The following VIRMA variants were observed in gnomAD, a reference collection of about 807,000 sequenced individuals.
VIRMA encodes vir like m6A methyltransferase associated, also known as protein virilizer homolog.
VIRMA carries 65 observed loss-of-function variants against 182.4 expected under a neutral mutation model. The observed-to-expected ratio is 0.36, with a 90% confidence interval of 0.29 to 0.44. The LOEUF (loss-of-function observed/expected upper bound fraction) is 0.44. VIRMA is among the 20% of genes least tolerant of loss of function. The pLI is 1.00. For synonymous variants in VIRMA, 709 were observed against 743.1 expected (o/e 0.95, Z 0.75); for missense variants, 1,752 against 2,158.1 (o/e 0.81, Z 3.73).
chr8:94,500,197 A>C (rs1813922643), intron 16 of VIRMA, among the ~76,000 whole-genome samples: 1 of 152,094 alleles, frequency 6.6e-6, no homozygotes, highest in Non-Finnish European at 1.5e-5. Flanking sequence ...CAGGAGATCA[A>C]GACCATCCTG....
intron 1 of VIRMA, 125 bp from the exon 2 acceptor site, chr8:94,544,067 T>C (rs1815676051): frequency 1.7e-6 from 1 of 583,234 alleles, no homozygotes; most frequent in Non-Finnish European, 3.1e-6. Flanking sequence ...TTAAATATCA[T>C]TAAATATATT....
chr8:94,523,998 C>CTTGT (rs917114468), intron 8 of VIRMA, among the ~76,000 whole-genome samples: 2 of 121,364 alleles, frequency 1.6e-5, no homozygotes, highest in African/African-American at 6.8e-5. Flanking sequence ...GTTTTTGTTA[C>CTTGT]TTGTTTATTT....
intron 16 of VIRMA, among the ~76,000 whole-genome samples, chr8:94,503,954 C>G: frequency 6.6e-6 from 1 of 152,008 alleles, no homozygotes; most frequent in Admixed American, 6.6e-5. Context: ...AGGAGGATCA[C>G]CTGAGGTCAG....
chr8:94,505,230 G>A (rs1409114809), intron 16 of VIRMA, among the ~76,000 whole-genome samples: 1 of 152,190 alleles, frequency 6.6e-6, no homozygotes, highest in African/African-American at 2.4e-5. Context: ...GGAAGAGCCA[G>A]CACCAAACAC....
At chr8:94,510,760 C>G in intron 13 of VIRMA, 108 bp from the exon 14 acceptor site, 1 of 835,024 alleles carries the variant, frequency 1.2e-6, no homozygotes, top group Non-Finnish European at 1.9e-6. Context: ...TTACTGCATG[C>G]TTAAAACATT....
chr8:94,498,631 G>C (rs1349623963), intron 17 of VIRMA: 4 of 152,208 alleles, frequency 2.6e-5, no homozygotes, highest in Non-Finnish European at 5.9e-5. Context: ...GGCACACCAC[G>C]TGTGGCTAAT....
At chr8:94,509,986 A>G in intron 14 of VIRMA, 46 bp from the exon 15 acceptor site, 3 of 1,528,626 alleles carry the variant, frequency 2.0e-6, no homozygotes, top group Non-Finnish European at 2.6e-6. Context: ...CTTGACCTTA[A>G]GGCATTGTTT....
At chr8:94,518,853 T>G in intron 9 of VIRMA, 132 bp downstream of exon 9, 1 of 831,098 alleles carries the variant, frequency 1.2e-6, no homozygotes, top group Non-Finnish European at 1.9e-6. Context: ...AACCTTTAAT[T>G]AACAAGTTTT....
chr8:94,502,029 T>C (rs537662861), intron 16 of VIRMA, among the ~76,000 whole-genome samples: 8 of 152,292 alleles, frequency 5.3e-5, no homozygotes, highest in South Asian at 2.1e-4. Context: ...CAGTGGAGTA[T>C]TGAGGTCCCC....
chr8:94,491,609 C>T lies in VIRMA; in HGVS notation c.5109G>A (p.Gln1703=), dbSNP rs1353046304. The T allele has an allele frequency of 1.9e-6, 3 of 1,613,872 alleles. No homozygotes were observed. The highest frequency in any genetic ancestry group is 2.5e-6 in the Non-Finnish European group (3 of 1,179,816). Residue 1703 remains glutamine (Q), a synonymous_variant, in exon 22 of 24, where the codon CAG becomes CAA. Transcript: ENST00000297591. The part of the protein sequence containing the change: ...NRGGRGAFHS[Q]NRFFTPPASK... ...AAGCAGGTGGTGTGAAAAACCTATT[C>T]TGACTGTGGAAAGCACCCCGTCCTC...
chr8:94,529,221 T>C lies in VIRMA; in HGVS notation c.729A>G (p.Glu243=), dbSNP rs756116471. The part of the protein sequence containing the change: ...QYSDEGEVEE[E]QQEEGEEDED... ...CATCTTCTTCTCCTTCTTCTTGTTG[T>C]TCCTCTTCTACTTCTCCTTCATCAG... is the stretch of plus-strand genomic sequence containing the variant. The change falls in exon 7 of 24, where the codon GAA becomes GAG. Residue 243 remains glutamate (E), a synonymous_variant. Transcript: ENST00000297591. The C allele has an allele frequency of 5.8e-6, 9 of 1,551,318 alleles. No homozygotes were observed. The highest frequency in any genetic ancestry group is 1.1e-5 in the South Asian group (1 of 89,754).
At position 94,511,303 on chromosome 8, in the gene VIRMA, C is replaced by G; in HGVS notation, c.3272G>C (p.Trp1091Ser). ...ISEETLANNT[W>S]SLMLKEVLSS... ...AAGAACTTCTTTTAACATTAAAGACCAAGTATTATTGGCCAGAGTCTCTTC... is the reference window on the plus strand; with the variant it reads ...AAGAACTTCTTTTAACATTAAAGACGAAGTATTATTGGCCAGAGTCTCTTC... Residue 1091 changes from tryptophan to serine, a missense_variant, in exon 13 of 24, where the codon TGG becomes TCG. This residue lies in a region of VIRMA where 777 missense variants were observed against 920.6 expected (regional missense o/e 0.84). Coordinates refer to ENST00000297591, the MANE Select transcript of VIRMA (RefSeq NM_015496.5). 1.2e-6 allele frequency: 2 copies of G among 1,613,744 alleles called. No individual in the cohort carries two copies.
intron 1 of VIRMA, chr8:94,546,794 C>T (rs760949102): frequency 3.1e-5 from 12 of 388,382 alleles, no homozygotes; most frequent in Admixed American, 2.4e-4. Flanking sequence ...TCTTGCCTCC[C>T]ATCAACACAT....
intron 16 of VIRMA, among the ~76,000 whole-genome samples, chr8:94,501,157 G>A (rs1285098410): frequency 6.7e-6 from 1 of 150,182 alleles, no homozygotes; most frequent in Non-Finnish European, 1.5e-5. Context: ...TCGGGAGGCT[G>A]AGGCAGGAGA....
chr8:94,528,438 T>C (rs1159456622), intron 7 of VIRMA, among the ~76,000 whole-genome samples: 1 of 152,192 alleles, frequency 6.6e-6, no homozygotes, highest in Non-Finnish European at 1.5e-5. Context: ...TTACTATCTG[T>C]AGAAAAAAGC....
chr8:94,527,603 C>A (rs1421759040), intron 7 of VIRMA, among the ~76,000 whole-genome samples: 2 of 152,112 alleles, frequency 1.3e-5, no homozygotes, highest in Admixed American at 6.5e-5. Context: ...ACATTTTAAG[C>A]AAATTCCTCT....
At chr8:94,523,673 G>A (rs1814852343) in intron 8 of VIRMA, among the ~76,000 whole-genome samples, 1 of 152,018 alleles carries the variant, frequency 6.6e-6, no homozygotes, top group South Asian at 2.1e-4. Context: ...TTGTCGCCCA[G>A]GCAGGAGTGC....
chr8:94,528,931 C>T lies in VIRMA; in HGVS notation c.880+139G>A, dbSNP rs962949267. ...GATGGAAATCTCATTTCTAGTCATG[C>T]CTTGAGGCCTAGCTACATTCTGACC... On this transcript the variant is annotated intron_variant, in intron 7 of 23. Transcript: ENST00000297591. The T allele has an allele frequency of 5.9e-6, 6 of 1,009,552 alleles. No homozygotes were observed. In the African/African-American group the frequency reaches 6.4e-5, roughly 11 times the overall value. 62.5% of individuals were successfully genotyped at this position (1,009,552 alleles called of 1,614,324 possible).
intron 15 of VIRMA, among the ~76,000 whole-genome samples, chr8:94,508,352 A>G (rs3102856): frequency 0.3 from 46,136 of 151,958 alleles, 7,106 homozygotes; most frequent in South Asian, 0.47. Context: ...CCAAAGTGCT[A>G]GGATTACAGG....
Sources: allele counts gnomAD v4.1 joint callset (sites outside exome capture counted in the v4.1 genomes callset), GRCh38; gene constraint gnomAD v4.1.1; regional missense constraint gnomAD v4.1.1; transcripts MANE v1.5; gene names NCBI Gene and HGNC (gene_info 2026-07-23, HGNC 2026-07-21).